HMGCLL1: variants seen among roughly 807,000 people sequenced by gnomAD.
HMGCLL1 encodes 3-hydroxy-3-methylglutaryl-CoA lyase like 1.
In HMGCLL1, 36 loss-of-function variants were observed where a neutral mutation model predicts 39.1. The ratio of observed to expected loss-of-function variants is 0.92; its 90% CI spans 0.71 to 1.22. The LOEUF (loss-of-function observed/expected upper bound fraction) is 1.22, where lower values mean the gene tolerates loss of function less well. Among genes scored for constraint, HMGCLL1 ranks in the 50% most tolerant of loss-of-function variants. The pLI is 0.00. For missense variants in HMGCLL1, 451 were observed against 416.5 expected, an observed-to-expected ratio of 1.08 and a Z score of -0.72; for synonymous variants, 149 against 144.0, an observed-to-expected ratio of 1.03 and a Z score of -0.25.
At chr6:55,542,639 C>T (rs912672539) in intron 1 of HMGCLL1, among the ~76,000 whole-genome samples, 13 of 151,418 alleles carry the variant, frequency 8.6e-5, no homozygotes, top group African/African-American at 3.1e-4. Flanking sequence ...ATTAACTGGG[C>T]ATAGTGGTGG....
chr6:55,483,196 G>T (rs1252002075), intron 7 of HMGCLL1, among the ~76,000 whole-genome samples: 14 of 152,148 alleles, frequency 9.2e-5, no homozygotes, highest in African/African-American at 3.1e-4. Flanking sequence ...ATGGATATTT[G>T]GGGGATGTAG....
At chr6:55,589,637 G>T in the HMGCLL1 span, among the ~76,000 whole-genome samples, 2 of 152,240 alleles carry the variant, frequency 1.3e-5, no homozygotes, top group African/African-American at 2.4e-5. Flanking sequence ...TCACATGATT[G>T]TATATCTAGA....
intron 1 of HMGCLL1, among the ~76,000 whole-genome samples, chr6:55,569,866 A>G (rs1172247374): frequency 6.6e-6 from 1 of 152,228 alleles, no homozygotes; most frequent in East Asian, 1.9e-4. Context: ...TGTTCTCAGC[A>G]TGCACTAGTC....
the HMGCLL1 span, among the ~76,000 whole-genome samples, chr6:55,599,657 G>T: frequency 6.6e-6 from 1 of 152,106 alleles, no homozygotes; most frequent in Non-Finnish European, 1.5e-5. Context: ...AAATATAAAT[G>T]CCTTGCCTTT....
At chr6:55,511,887 G>A (rs1767482399) in intron 5 of HMGCLL1, among the ~76,000 whole-genome samples, 1 of 151,982 alleles carries the variant, frequency 6.6e-6, no homozygotes, top group South Asian at 2.1e-4. Flanking sequence ...TACTCCAAAG[G>A]AACAAAATCC....
the HMGCLL1 span, among the ~76,000 whole-genome samples, chr6:55,664,114 G>A: frequency 7.2e-5 from 11 of 151,808 alleles, no homozygotes; most frequent in East Asian, 1.9e-4. Context: ...TGGGTCTTGC[G>A]TTTTTATGCA....
At chr6:55,603,522 T>C in the HMGCLL1 span, among the ~76,000 whole-genome samples, 27 of 152,088 alleles carry the variant, frequency 1.8e-4, no homozygotes, top group Non-Finnish European at 3.5e-4. Flanking sequence ...GGAATGTACA[T>C]ATTATAAACA....
chr6:55,504,637 A>G (rs1767061290), intron 5 of HMGCLL1, among the ~76,000 whole-genome samples: 1 of 150,670 alleles, frequency 6.6e-6, no homozygotes, highest in Admixed American at 6.7e-5. Flanking sequence ...ATACTATGTA[A>G]GTAGTTGCTA....
chr6:55,531,459 A>T (rs1387661507), intron 3 of HMGCLL1, among the ~76,000 whole-genome samples: 1 of 152,216 alleles, frequency 6.6e-6, no homozygotes, highest in African/African-American at 2.4e-5. Context: ...TTAGTCAGAT[A>T]CAAAAGTGGA....
chr6:55,481,921 T>G (rs1288393601), intron 7 of HMGCLL1, among the ~76,000 whole-genome samples: 1 of 152,140 alleles, frequency 6.6e-6, no homozygotes, highest in Non-Finnish European at 1.5e-5. Flanking sequence ...ATTGAACATT[T>G]CAAGTTAAAT....
At chr6:55,641,280 T>C in the HMGCLL1 span, among the ~76,000 whole-genome samples, 2 of 151,796 alleles carry the variant, frequency 1.3e-5, no homozygotes, top group African/African-American at 4.8e-5. Flanking sequence ...TGTTGTATAA[T>C]TTCTTATATA....
chr6:55,595,273 A>G, the HMGCLL1 span, among the ~76,000 whole-genome samples: 3 of 152,336 alleles, frequency 2.0e-5, no homozygotes, highest in African/African-American at 4.8e-5. Context: ...ATCTATCTAT[A>G]AAGCCTGAAT....
chr6:55,646,016 C>G, the HMGCLL1 span, among the ~76,000 whole-genome samples: 1 of 151,862 alleles, frequency 6.6e-6, no homozygotes, highest in African/African-American at 2.4e-5. Flanking sequence ...GCAAAGCCAT[C>G]AGTTTCTGGA....
the HMGCLL1 span, among the ~76,000 whole-genome samples, chr6:55,628,870 T>C: frequency 6.6e-6 from 1 of 152,172 alleles, no homozygotes. Flanking sequence ...CTTGTTCCTC[T>C]TTGTCTTTCA....
chr6:55,636,788 G>GT, the HMGCLL1 span, among the ~76,000 whole-genome samples: 1 of 152,196 alleles, frequency 6.6e-6, no homozygotes, highest in Non-Finnish European at 1.5e-5. Context: ...GTGATGAACT[G>GT]TTTAACAAAT....
chr6:55,544,695 A>C (rs1581929351), intron 1 of HMGCLL1, among the ~76,000 whole-genome samples: 2 of 152,194 alleles, frequency 1.3e-5, no homozygotes, highest in Non-Finnish European at 2.9e-5. Flanking sequence ...TGGTTTTATC[A>C]GCATTCTGAG....
At chr6:55,450,569 T>C (rs930796770) in intron 7 of HMGCLL1, among the ~76,000 whole-genome samples, 2 of 152,074 alleles carry the variant, frequency 1.3e-5, no homozygotes, top group African/African-American at 2.4e-5. Flanking sequence ...TAAAAGTATA[T>C]AACAAAGATG....
chr6:55,467,517 CAG>C (rs1764845531), intron 7 of HMGCLL1, among the ~76,000 whole-genome samples: 1 of 151,996 alleles, frequency 6.6e-6, no homozygotes, highest in South Asian at 2.1e-4. Context: ...CACCTAGAAA[CAG>C]AGAGCTTCTG....
intron 3 of HMGCLL1, among the ~76,000 whole-genome samples, chr6:55,531,499 G>GT (rs762251762): frequency 3.9e-5 from 6 of 151,976 alleles, no homozygotes; most frequent in Non-Finnish European, 7.4e-5. Flanking sequence ...GGCTTTGAAA[G>GT]GTTTTTTTCT....
Sources: gnomAD v4.1 joint callset for allele counts (sites outside exome capture counted in the v4.1 genomes callset) on GRCh38, gnomAD v4.1.1 for gene constraint, MANE v1.5 for transcripts, NCBI Gene and HGNC (gene_info 2026-07-23, HGNC 2026-07-21) for gene names.